Variants in DNM2 observed in about 807,000 individuals in gnomAD.
DNM2 encodes the protein dynamin-2.
DNM2 carries 15 observed loss-of-function variants against 99.0 expected under a neutral mutation model. The observed-to-expected ratio is 0.15, with a 90% CI of 0.10 to 0.23. DNM2 has a LOEUF of 0.23. Ranked by LOEUF, DNM2 falls within the 10% of genes least tolerant of loss-of-function variation. The pLI, the probability that DNM2 is intolerant of heterozygous loss-of-function variation, is 1.00. For missense variants in DNM2, 742 were observed against 1,189.4 expected, an observed-to-expected ratio of 0.62 and a Z score of 5.53; for synonymous variants, 525 against 481.2, an observed-to-expected ratio of 1.09 and a Z score of -1.19.
intron 2 of DNM2, among the ~76,000 whole-genome samples, chr19:10,770,822 A>T (rs547866975): frequency 1.2e-4 from 19 of 152,274 alleles, no homozygotes; most frequent in African/African-American, 4.6e-4. Context: ...TGATTCATTG[A>T]TCTCCCACTG....
intron 15 of DNM2, among the ~76,000 whole-genome samples, chr19:10,814,723 TC>T (rs747968352): frequency 6.6e-6 from 1 of 152,148 alleles, no homozygotes; most frequent in Non-Finnish European, 1.5e-5. Context: ...ACATGCAAGA[TC>T]TGTCTTTTTG....
chr19:10,776,517 G>T (rs1419012329), intron 4 of DNM2, among the ~76,000 whole-genome samples: 1 of 152,186 alleles, frequency 6.6e-6, no homozygotes, highest in Non-Finnish European at 1.5e-5. Context: ...TCTGTCCCCA[G>T]TGTCTCATGC....
chr19:10,739,641 G>T (rs966193289), intron 1 of DNM2, among the ~76,000 whole-genome samples: 1 of 152,048 alleles, frequency 6.6e-6, no homozygotes, highest in African/African-American at 2.4e-5. Context: ...ATCACTTGAG[G>T]GCAGGAATTG....
intron 7 of DNM2, among the ~76,000 whole-genome samples, chr19:10,792,847 A>C (rs1028602104): frequency 1.1e-4 from 16 of 152,068 alleles, no homozygotes; most frequent in Non-Finnish European, 2.2e-4. Flanking sequence ...GGCTCAGGTG[A>C]TCTGCCTACC....
chr19:10,798,246 C>T, intron 10 of DNM2: 1 of 568,820 alleles, frequency 1.8e-6, no homozygotes, highest in Non-Finnish European at 3.1e-6. Context: ...GCCTCCTGCC[C>T]CCCGGTCACT....
chr19:10,773,146 ATTT>A (rs71164120), intron 3 of DNM2, among the ~76,000 whole-genome samples: 14 of 97,630 alleles, frequency 1.4e-4, no homozygotes, highest in Middle Eastern at 4.4e-3. Flanking sequence ...CACCCAGCTA[ATTT>A]TTTTTTTTTT....
Position 10,786,805 on chromosome 19 carries a change from C to T in DNM2, c.992+99C>T, listed in dbSNP as rs549031500. 3 of 1,571,616 alleles carry T rather than the reference C, an allele frequency of 1.9e-6. No homozygotes were observed. The East Asian group carries it at 7.0e-5, about 37-fold the overall frequency. ...GGGCACCACTCATCACTCGTCCACT[C>T]ATTGATTCAGCAGACACTTGCTGCA... is the stretch of plus-strand genomic sequence containing the variant. On this transcript the variant is annotated intron_variant, in intron 7 of 20. Coordinates refer to ENST00000389253, the MANE Select transcript of DNM2 (RefSeq NM_001005361.3).
At chr19:10,722,989 C>T (rs149385609) in intron 1 of DNM2, among the ~76,000 whole-genome samples, 243 of 150,312 alleles carry the variant, frequency 1.6e-3, no homozygotes, top group African/African-American at 5.7e-3. Flanking sequence ...TTTTTTGAGA[C>T]GGAGTCTGGC....
intron 11 of DNM2, 46 bp from the exon 12 acceptor site, chr19:10,802,242 T>A: frequency 6.2e-7 from 1 of 1,607,980 alleles, no homozygotes; most frequent in Non-Finnish European, 8.5e-7. Flanking sequence ...TGCCCCCCCT[T>A]GCCAGGCTTG....
chr19:10,773,904 G>T (rs1007657290), intron 3 of DNM2, among the ~76,000 whole-genome samples: 23 of 152,204 alleles, frequency 1.5e-4, no homozygotes, highest in South Asian at 8.3e-4. Context: ...TAGCCACCTT[G>T]CCCAGCCAAA....
chr19:10,751,135 G>A (rs1156921550), intron 1 of DNM2, among the ~76,000 whole-genome samples: 1 of 151,998 alleles, frequency 6.6e-6, no homozygotes, highest in Non-Finnish European at 1.5e-5. Flanking sequence ...GGGTGGAGGT[G>A]GGAGAGGTGT....
intron 6 of DNM2, among the ~76,000 whole-genome samples, chr19:10,783,444 G>T (rs1027476866): frequency 7.2e-5 from 11 of 152,130 alleles, no homozygotes; most frequent in African/African-American, 2.7e-4. Flanking sequence ...TCCAGCCTGG[G>T]CAATAGAGTG....
chr19:10,723,280 T>C (rs953083934), intron 1 of DNM2, among the ~76,000 whole-genome samples: 8 of 152,130 alleles, frequency 5.3e-5, no homozygotes, highest in African/African-American at 1.7e-4. Context: ...ATTACAGGCA[T>C]GCACCACCAC....
At chr19:10,801,011 TA>T (rs1183001547) in intron 11 of DNM2, among the ~76,000 whole-genome samples, 1 of 152,244 alleles carries the variant, frequency 6.6e-6, no homozygotes, top group African/African-American at 2.4e-5. Flanking sequence ...CGCCAGGCGC[TA>T]AAGACTTTAC....
Position 10,718,259 on chromosome 19 carries a change from T to C in DNM2, c.17T>C (p.Met6Thr), listed in dbSNP as rs745774097. Residue 6 changes from methionine to threonine, a missense_variant, in exon 1 of 21, where the codon ATG becomes ACG. This residue lies in a region of DNM2 where 52 missense variants were observed against 46.1 expected (regional missense o/e 1.13). Transcript: ENST00000389253. ...GCCGGCGCCATGGGCAACCGCGGGA[T>C]GGAAGAGCTGATCCCGCTGGTCAAC... Reference protein sequence around the residue: MGNRGMEELIPLVNKL... With the variant: MGNRGTEELIPLVNKL... The C allele has an allele frequency of 6.7e-7, 1 of 1,486,742 alleles. No individual in the cohort carries two copies. 92.1% of individuals were successfully genotyped at this position (1,486,742 alleles called of 1,614,324 possible). A position where few individuals can be genotyped will look rare whatever the true frequency, so the allele number is the denominator to read the frequency against.
chr19:10,738,468 CAAAAA>C (rs946265306), intron 1 of DNM2, among the ~76,000 whole-genome samples: 27 of 148,176 alleles, frequency 1.8e-4, no homozygotes, highest in African/African-American at 6.5e-4. Context: ...ACAGACAAAA[CAAAAA>C]AAACAGGGGA....
Position 10,786,642 on chromosome 19 carries a change from G to C in DNM2, c.928G>C (p.Glu310Gln). Residue 310 changes from glutamate (E) to glutamine (Q), a missense_variant, in exon 7 of 21, where the codon GAG becomes CAG. Around this residue, in one of 7 missense-constraint regions of DNM2, gnomAD observed 44 missense variants for 41.3 expected, o/e 1.06. Transcript: ENST00000389253. Reference protein sequence around the residue: ...LQSQLLSLEKEVEEYKNFRPD... With the variant: ...LQSQLLSLEKQVEEYKNFRPD... ...GAGCCAGCTGCTGTCCCTGGAGAAGGAGGTGGAGGAGTACAAGAACTTTCG... is the reference window on the plus strand; with the variant it reads ...GAGCCAGCTGCTGTCCCTGGAGAAGCAGGTGGAGGAGTACAAGAACTTTCG... 6.2e-7 allele frequency: 1 copy of C among 1,614,132 alleles called. No homozygotes were observed. Among genetic ancestry groups the C allele is most frequent in the Non-Finnish European group, 8.5e-7 (1 of 1,180,024 alleles).
chr19:10,788,187 C>T (rs543029144), intron 7 of DNM2, among the ~76,000 whole-genome samples: 3 of 149,242 alleles, frequency 2.0e-5, no homozygotes, highest in East Asian at 2.0e-4. Context: ...GAGCTGAGAA[C>T]GTGTCACTGC....
Position 10,775,707 on chromosome 19 carries a change from G to C in DNM2, c.390G>C (p.Leu130Phe). The C allele has an allele frequency of 6.2e-7, 1 of 1,614,032 alleles. No individual in the cohort carries two copies. The highest frequency in any genetic ancestry group is 8.5e-7 in the Non-Finnish European group (1 of 1,180,016). ...INLRVYSPHV[L>F]NLTLIDLPGI... Reference sequence around the variant, plus strand: ...TCCTTCTGGTTTCCCTCCCAGTGTTGAACTTGACCCTCATCGACCTCCCGG... The same window carrying C: ...TCCTTCTGGTTTCCCTCCCAGTGTTCAACTTGACCCTCATCGACCTCCCGG... Residue 130 changes from leucine to phenylalanine, a missense_variant, in exon 4 of 21, where the codon TTG (leucine) becomes TTC (phenylalanine). Physicochemically the swap from Leu to Phe is conservative, Grantham distance 22. Coordinates refer to ENST00000389253, the MANE Select transcript of DNM2 (RefSeq NM_001005361.3). The surrounding 1 kb of genome is among the most constrained non-coding windows in gnomAD (Gnocchi z 4.3).
Sources: gnomAD v4.1 joint callset for allele counts (sites outside exome capture counted in the v4.1 genomes callset) on GRCh38, gnomAD v4.1.1 for gene constraint, gnomAD v4.1.1 regional missense constraint, Gnocchi (gnomAD v3.1) non-coding constraint, MANE v1.5 for transcripts, NCBI Gene and HGNC (gene_info 2026-07-23, HGNC 2026-07-21) for gene names.